Variants in CPSF1 observed in about 807,000 individuals in gnomAD.
CPSF1 encodes the protein cleavage and polyadenylation specific factor 1, also known as cleavage and polyadenylation specificity factor subunit 1.
Under a neutral mutation model 175.8 loss-of-function variants are expected in CPSF1, and 106 were observed. The observed-to-expected ratio is 0.60, with a 90% confidence interval of 0.52 to 0.71. The LOEUF is 0.71. CPSF1 is among the 30% of genes least tolerant of loss of function. CPSF1 has a pLI of 0.00. For synonymous variants in CPSF1, 1,024 were observed against 858.3 expected, an observed-to-expected ratio of 1.19 and a Z score of -3.37; for missense variants, 1,734 against 2,022.9, an observed-to-expected ratio of 0.86 and a Z score of 2.74.
In CPSF1 at chr8:144,397,520, C is replaced by A. The variant is rs1554864401; in HGVS notation, c.2352G>T (p.Trp784Cys). Reference sequence around the variant, plus strand: ...TGCCATTCTCCCGCACCAGCAGGCACCAGTGGGTAGGCTCTGCCCGGAAGG... The same window carrying A: ...TGCCATTCTCCCGCACCAGCAGGCAACAGTGGGTAGGCTCTGCCCGGAAGG... ...PAPFRAEPTH[W>C]CLLVRENGTM... Residue 784 changes from tryptophan (W) to cysteine (C), a missense_variant, in exon 22 of 38, where the codon TGG (tryptophan) becomes TGT (cysteine). By Grantham distance (215) the Trp-to-Cys change is radical (BLOSUM62 -2). Around this residue, in one of 10 missense-constraint regions of CPSF1, gnomAD observed 585 missense variants for 584.7 expected, o/e 1.00. Coordinates refer to ENST00000616140, the MANE Select transcript of CPSF1 (RefSeq NM_013291.3). The A allele has an allele frequency of 6.3e-7, 1 of 1,583,330 alleles. No individual in the cohort carries two copies. Among genetic ancestry groups the A allele is most frequent in the Non-Finnish European group, 8.6e-7 (1 of 1,159,274 alleles).
intron 17 of CPSF1, 64 bp downstream of exon 17, chr8:144,398,709 GCACCCC>G: frequency 6.3e-7 from 1 of 1,599,538 alleles, no homozygotes; most frequent in Non-Finnish European, 8.5e-7. Flanking sequence ...TGCGACCTGG[GCACCCC>G]CGGCCTATGA....
chr8:144,397,031 T>G, intron 23 of CPSF1, 102 bp from the exon 24 acceptor site: 1 of 709,090 alleles, frequency 1.4e-6, no homozygotes, highest in Non-Finnish European at 2.1e-6. Flanking sequence ...GGGGCTGAGA[T>G]GGGGTGGAGC....
intron 2 of CPSF1, among the ~76,000 whole-genome samples, chr8:144,404,352 G>C (rs1483015459): frequency 1.3e-5 from 2 of 152,062 alleles, no homozygotes; most frequent in Non-Finnish European, 2.9e-5. Context: ...CAAGAAACAG[G>C]GGTAACCACT....
rs2116868330 is a variant in CPSF1 at position 144,399,954 on chromosome 8, C to T, written c.1031+38G>A. On this transcript the variant is annotated intron_variant, in intron 10 of 37. Coordinates refer to ENST00000616140, the MANE Select transcript of CPSF1 (RefSeq NM_013291.3). The surrounding 1 kb of genome is among the most constrained non-coding windows in gnomAD (Gnocchi z 6.4). ...GGGACCCTACAGGACTTGTGGGGGGCGGTGTGGGCAGAGTTCATGGGCGGG... is the reference window on the plus strand; with the variant it reads ...GGGACCCTACAGGACTTGTGGGGGGTGGTGTGGGCAGAGTTCATGGGCGGG... 3.9e-5 allele frequency: 48 copies of T among 1,215,704 alleles called. No homozygotes were observed. The East Asian group carries it at 4.6e-4, about 12-fold the overall frequency. The allele number at this position is 1,215,704 out of a possible 1,614,324, so 75.3% of individuals were successfully genotyped here.
intron 26 of CPSF1, chr8:144,395,763 A>AGG (rs1450050386): frequency 1.7e-6 from 1 of 598,102 alleles, no homozygotes; most frequent in Non-Finnish European, 3.0e-6. Flanking sequence ...AGCTGGGGCT[A>AGG]GGGGTGCTGG....
At chr8:144,408,976 G>C in intron 2 of CPSF1, 39 bp downstream of exon 2, 1 of 1,603,724 alleles carries the variant, frequency 6.2e-7, no homozygotes, top group Non-Finnish European at 8.5e-7. Flanking sequence ...GAGCACCCAC[G>C]TCGCGGACAG....
chr8:144,397,703 G>A (rs1554864507), intron 21 of CPSF1, 40 bp downstream of exon 21: 3 of 1,572,886 alleles, frequency 1.9e-6, no homozygotes, highest in Non-Finnish European at 8.7e-7. Flanking sequence ...GCCAGCCCCA[G>A]GGACCCAAGC....
In CPSF1 at chr8:144,399,226, G is replaced by A; in HGVS notation, c.1393-24C>T. 6.2e-7 allele frequency: 1 copy of A among 1,611,550 alleles called. No individual in the cohort carries two copies. ...ACCTGCGGCACAGCAAGAGTCAGGG[G>A]CCCGCTGGGGGCGCTGGCTGGGACG... is the stretch of plus-strand genomic sequence containing the variant. On this transcript the variant is annotated intron_variant, in intron 14 of 37. Transcript: ENST00000616140. This position sits in a 1 kb window ranked among gnomAD's most constrained non-coding sequence, Gnocchi z 6.4.
At chr8:144,408,981 G>GCGGGGA (rs2116912525) in intron 2 of CPSF1, 34 bp downstream of exon 2, 7 of 1,605,038 alleles carry the variant, frequency 4.4e-6, no homozygotes, top group Non-Finnish European at 4.3e-6. Context: ...CCCACGTCGC[G>GCGGGGA]GACAGCCGGG....
intron 2 of CPSF1, among the ~76,000 whole-genome samples, 183 bp downstream of exon 2, chr8:144,408,832 G>A (rs1821637195): frequency 6.6e-6 from 1 of 152,228 alleles, no homozygotes. Context: ...GGCAGAACAG[G>A]GTAGCAGCTG....
rs370879491 is a variant in CPSF1 at position 144,397,677 on chromosome 8, A to T, written c.2211-16T>A. 3.9e-6 allele frequency: 6 copies of T among 1,548,486 alleles called. No homozygotes were observed. Among genetic ancestry groups the T allele is most frequent in the African/African-American group, 1.4e-5 (1 of 72,864 alleles). ...CACTGTGGGGCTGGGGGCCAGCAGA[A>T]GGTCATGGGCGGCCTGCCAGCCCCA... On this transcript the variant is annotated splice_polypyrimidine_tract_variant and intron_variant, in intron 21 of 37. Transcript: ENST00000616140.
chr8:144,395,249 G>T lies in CPSF1; in HGVS notation c.3187+16C>A. ...AGATGCGGCTGAGGATGGGAGTATG[G>T]TGTGGGCGTCACCACCTCTCTCGAT... On this transcript the variant is annotated intron_variant, in intron 28 of 37. Transcript: ENST00000616140. The T allele has an allele frequency of 6.2e-7, 1 of 1,613,084 alleles. No individual in the cohort carries two copies. Among genetic ancestry groups the T allele is most frequent in the African/African-American group, 1.3e-5 (1 of 75,036 alleles).
chr8:144,409,005 C>T lies in CPSF1; in HGVS notation c.144+10G>A. ...CGGACAGCCGGGAGGGCTCCCAGGGCCCGACCTACCTCGGCGTCGCGGTTG... is the reference window on the plus strand; with the variant it reads ...CGGACAGCCGGGAGGGCTCCCAGGGTCCGACCTACCTCGGCGTCGCGGTTG... On this transcript the variant is annotated intron_variant, in intron 2 of 37. Transcript: ENST00000616140. 1 of 1,611,820 alleles carries T rather than the reference C, an allele frequency of 6.2e-7. No individual in the cohort carries two copies. Among genetic ancestry groups the T allele is most frequent in the Non-Finnish European group, 8.5e-7 (1 of 1,179,130 alleles).
Position 144,393,872 on chromosome 8 carries a change from C to A in CPSF1, c.4015+11G>T. The A allele has an allele frequency of 6.2e-7, 1 of 1,606,844 alleles. No homozygotes were observed. The highest frequency in any genetic ancestry group is 8.5e-7 in the Non-Finnish European group (1 of 1,177,336). ...CCCCCCACCCAGACACACCTGCTCCCCCACACTCACCAAACCACGTGATGT... is the reference window on the plus strand; with the variant it reads ...CCCCCCACCCAGACACACCTGCTCCACCACACTCACCAAACCACGTGATGT... On this transcript the variant is annotated intron_variant, in intron 35 of 37. Coordinates refer to ENST00000616140, the MANE Select transcript of CPSF1 (RefSeq NM_013291.3).
In CPSF1 at chr8:144,397,284, G is replaced by A. The variant is rs1554864264; in HGVS notation, c.2515C>T (p.Arg839Cys). ...QGEARREEAT[R>C]QGELPLVKEV... ...TTGACGAGGGGCAGCTCCCCCTGGCGCGTGGCCTCCTCCCTGCGGGCCTCG... is the reference window on the plus strand; with the variant it reads ...TTGACGAGGGGCAGCTCCCCCTGGCACGTGGCCTCCTCCCTGCGGGCCTCG... The change falls in exon 23 of 38, where the codon CGC becomes TGC. Residue 839 changes from arginine to cysteine, a missense_variant. Coordinates refer to ENST00000616140, the MANE Select transcript of CPSF1 (RefSeq NM_013291.3). The A allele has an allele frequency of 5.8e-6, 9 of 1,549,842 alleles. No homozygotes were observed. The highest frequency in any genetic ancestry group is 2.4e-5 in the East Asian group (1 of 41,006).
chr8:144,402,284 G>A (rs989074239), intron 2 of CPSF1, among the ~76,000 whole-genome samples: 3 of 152,148 alleles, frequency 2.0e-5, no homozygotes, highest in African/African-American at 7.2e-5. Context: ...AGGGAAAAGT[G>A]GTTTTTGTTT....
chr8:144,400,155 C>T lies in CPSF1; in HGVS notation c.937+11G>A. The T allele has an allele frequency of 6.5e-7, 1 of 1,531,966 alleles. No individual in the cohort carries two copies. The highest frequency in any genetic ancestry group is 8.8e-7 in the Non-Finnish European group (1 of 1,131,164). The allele number at this position is 1,531,966 out of a possible 1,614,324, so 94.9% of individuals were successfully genotyped here. On this transcript the variant is annotated intron_variant, in intron 9 of 37. Coordinates refer to ENST00000616140, the MANE Select transcript of CPSF1 (RefSeq NM_013291.3). ...CCCGGGCCCCCCCCGCCCCAGCCAC[C>T]CCACACTCACGAAGCGGGAAAGCCG...
At chr8:144,397,066 TGA>T in intron 23 of CPSF1, 137 bp from the exon 24 acceptor site, 1 of 774,910 alleles carries the variant, frequency 1.3e-6, no homozygotes, top group South Asian at 2.0e-5. Flanking sequence ...GGCGGGGCTG[TGA>T]GGGAGATGGG....
rs2116913304 is a variant in CPSF1, at chr8:144,409,119, G to C, written c.40C>G (p.Leu14Val). 75 of 1,613,306 alleles carry C rather than the reference G, an allele frequency of 4.6e-5. No individual in the cohort carries two copies. The highest frequency in any genetic ancestry group is 6.0e-5 in the Non-Finnish European group (71 of 1,179,816). ...AAGTTGCAGTACATGGAGAACTCCA[G>C]ACCGGTGGGCGGATGCGCCTGTTTG... The part of the protein sequence containing the change: ...VYKQAHPPTG[L>V]EFSMYCNFFN... Residue 14 changes from leucine to valine, a missense_variant, in exon 2 of 38, where the codon CTG becomes GTG. Transcript: ENST00000616140.
Sources: gnomAD v4.1 joint callset for allele counts (sites outside exome capture counted in the v4.1 genomes callset) on GRCh38, gnomAD v4.1.1 for gene constraint, gnomAD v4.1.1 regional missense constraint, Gnocchi (gnomAD v3.1) non-coding constraint, MANE v1.5 for transcripts, NCBI Gene and HGNC (gene_info 2026-07-23, HGNC 2026-07-21) for gene names.